Variants in GRM8 observed in about 807,000 individuals in gnomAD.
The protein encoded by GRM8 is metabotropic glutamate receptor 8.
A neutral mutation model predicts 87.2 loss-of-function variants in GRM8; 47 were observed. The ratio of observed to expected loss-of-function variants is 0.54; its 90% CI spans 0.43 to 0.69. The LOEUF (loss-of-function observed/expected upper bound fraction) is 0.69. Ranked by LOEUF, GRM8 falls within the 30% of genes least tolerant of loss-of-function variation. The probability of loss-of-function intolerance (pLI) is 0.00; values close to 1 mark genes in which losing one functional copy is unlikely to be tolerated. For missense variants in GRM8, 1,019 were observed against 1,139.2 expected, an observed-to-expected ratio of 0.89 and a Z score of 1.52; for synonymous variants, 396 against 404.5, an observed-to-expected ratio of 0.98 and a Z score of 0.25.
chr7:127,100,233 AC>A (rs1825109553), intron 3 of GRM8, among the ~76,000 whole-genome samples: 1 of 152,158 alleles, frequency 6.6e-6, no homozygotes, highest in Non-Finnish European at 1.5e-5. Context: ...TCATGTAGGA[AC>A]CCTAGCCCTA....
chr7:126,902,435 A>G, intron 6 of GRM8, 107 bp downstream of exon 6: 2 of 945,686 alleles, frequency 2.1e-6, no homozygotes, highest in African/African-American at 1.7e-5. Flanking sequence ...GACACAAAAA[A>G]TAGAAAATAC....
chr7:126,616,341 CA>C (rs1289178886), intron 7 of GRM8, among the ~76,000 whole-genome samples: 3 of 152,072 alleles, frequency 2.0e-5, no homozygotes, highest in Admixed American at 6.5e-5. Context: ...AACAAAGACA[CA>C]ACATAACAGA....
At chr7:126,599,383 A>G (rs952980718) in intron 8 of GRM8, among the ~76,000 whole-genome samples, 6 of 152,114 alleles carry the variant, frequency 3.9e-5, no homozygotes, top group African/African-American at 1.2e-4. Flanking sequence ...TCGGTTATAC[A>G]TTATCTCAGT....
intron 3 of GRM8, among the ~76,000 whole-genome samples, chr7:126,993,669 G>C (rs966199376): frequency 2.6e-5 from 4 of 152,130 alleles, no homozygotes; most frequent in African/African-American, 9.7e-5. Flanking sequence ...CTGTACACTT[G>C]GGGGAGGGAG....
chr7:127,016,819 GT>G (rs748483764), intron 3 of GRM8, among the ~76,000 whole-genome samples: 26 of 151,992 alleles, frequency 1.7e-4, no homozygotes, highest in Non-Finnish European at 2.8e-4. Flanking sequence ...TTTGCTCATA[GT>G]TTTTTAAAAC....
rs554948944 is a variant in GRM8 at position 126,739,274 on chromosome 7, G to T, written c.1357+30591C>A. On this transcript the variant is annotated intron_variant, in intron 7 of 10. Coordinates refer to ENST00000339582, the MANE Select transcript of GRM8 (RefSeq NM_000845.3). ...TTAAATCAATTTTAATGGAAGAAAAGATATACTCCCTTTCCCCATTCTAAT... is the reference window on the plus strand; with the variant it reads ...TTAAATCAATTTTAATGGAAGAAAATATATACTCCCTTTCCCCATTCTAAT... Among the ~76,000 whole-genome samples, 41 of 151,842 alleles carry T rather than the reference G, an allele frequency of 2.7e-4. 1 individual carries two copies. In the South Asian group the frequency reaches 8.5e-3, roughly 32 times the overall value.
chr7:126,443,494 G>A (rs921644655), intron 10 of GRM8, among the ~76,000 whole-genome samples: 3 of 151,992 alleles, frequency 2.0e-5, no homozygotes, highest in African/African-American at 4.8e-5. Context: ...GTGGAAGGAT[G>A]TGTGAAGATG....
intron 6 of GRM8, among the ~76,000 whole-genome samples, chr7:126,882,270 A>G (rs1800091346): frequency 6.6e-6 from 1 of 151,884 alleles, no homozygotes; most frequent in Non-Finnish European, 1.5e-5. Flanking sequence ...TGTTTTATGT[A>G]TTTGGATTGA....
intron 3 of GRM8, among the ~76,000 whole-genome samples, chr7:127,009,073 G>T (rs1814617901): frequency 6.9e-6 from 1 of 145,516 alleles, no homozygotes; most frequent in Non-Finnish European, 1.5e-5. Context: ...CAATGATCCA[G>T]TTTTTTTTTT....
intron 3 of GRM8, among the ~76,000 whole-genome samples, chr7:126,984,250 G>A (rs997302128): frequency 6.6e-6 from 1 of 152,096 alleles, no homozygotes; most frequent in African/African-American, 2.4e-5. Flanking sequence ...ATGTGTATGG[G>A]TTCAAGTTGG....
At chr7:126,975,369 A>G (rs1329361783) in intron 3 of GRM8, among the ~76,000 whole-genome samples, 2 of 152,244 alleles carry the variant, frequency 1.3e-5, no homozygotes, top group Non-Finnish European at 2.9e-5. Context: ...GAGACAAAAC[A>G]TGATTTACAT....
intron 2 of GRM8, among the ~76,000 whole-genome samples, chr7:127,188,919 T>G (rs1048166298): frequency 2.0e-5 from 3 of 152,214 alleles, no homozygotes; most frequent in Non-Finnish European, 4.4e-5. Flanking sequence ...TATTAAACGA[T>G]CACATAAACA....
chr7:127,047,850 A>T (rs565692007), intron 3 of GRM8, among the ~76,000 whole-genome samples: 1 of 152,202 alleles, frequency 6.6e-6, no homozygotes, highest in Non-Finnish European at 1.5e-5. Flanking sequence ...AATAAAAAAT[A>T]AAAAAGCAAT....
At chr7:126,574,202 A>T (rs1794923716) in intron 8 of GRM8, among the ~76,000 whole-genome samples, 1 of 152,248 alleles carries the variant, frequency 6.6e-6, no homozygotes, top group Non-Finnish European at 1.5e-5. Flanking sequence ...AGGCTTGTTC[A>T]ATGTTCCAAC....
intron 6 of GRM8, among the ~76,000 whole-genome samples, chr7:126,868,228 G>T (rs569209597): frequency 1.7e-4 from 26 of 152,356 alleles, no homozygotes; most frequent in Non-Finnish European, 3.4e-4. Context: ...TGTGTGAAGG[G>T]CATGGAAGGC....
intron 10 of GRM8, among the ~76,000 whole-genome samples, chr7:126,443,960 A>AT (rs978640746): frequency 6.6e-6 from 1 of 151,866 alleles, no homozygotes; most frequent in African/African-American, 2.4e-5. Flanking sequence ...AGTTTATTAA[A>AT]TTTTTTCTCC....
intron 7 of GRM8, among the ~76,000 whole-genome samples, chr7:126,673,847 G>A (rs529444855): frequency 9.2e-5 from 14 of 152,242 alleles, no homozygotes; most frequent in South Asian, 4.2e-4. Flanking sequence ...CCAACTCAGC[G>A]TCTTTAGTTT....
intron 7 of GRM8, among the ~76,000 whole-genome samples, chr7:126,613,712 G>A (rs1037664411): frequency 2.6e-5 from 4 of 152,170 alleles, no homozygotes; most frequent in Admixed American, 6.5e-5. Flanking sequence ...CTTAGCAAAC[G>A]GCACACCAGG....
chr7:127,252,856 GCGC>G lies in GRM8; in HGVS notation c.-374_-372del, dbSNP rs550378317. On this transcript the variant is annotated 5_prime_UTR_variant, in exon 1 of 11. Coordinates refer to ENST00000339582, the MANE Select transcript of GRM8 (RefSeq NM_000845.3). The surrounding 1 kb of genome is among the most constrained non-coding windows in gnomAD (Gnocchi z 4.9). Reference sequence around the variant, plus strand: ...GCCGGGGGCCCGCAGCTCCATGTCAGCGCCGCCGCCGCCGCCGCCGCCGCCGCG... The same window carrying G: ...GCCGGGGGCCCGCAGCTCCATGTCAGCGCCGCCGCCGCCGCCGCCGCCGCG... 1,638 of 212,820 alleles carry G rather than the reference GCGC, an allele frequency of 7.7e-3. 2 individuals are homozygous for G. Among genetic ancestry groups the G allele is most frequent in the South Asian group, 0.024 (360 of 14,718 alleles). 13.2% of individuals were successfully genotyped at this position (212,820 alleles called of 1,614,324 possible).
Sources: gnomAD v4.1 joint callset for allele counts (sites outside exome capture counted in the v4.1 genomes callset) on GRCh38, gnomAD v4.1.1 for gene constraint, Gnocchi (gnomAD v3.1) non-coding constraint, MANE v1.5 for transcripts, NCBI Gene and HGNC (gene_info 2026-07-23, HGNC 2026-07-21) for gene names.